The following SLCO1B3 variants were observed in gnomAD, a reference collection of about 807,000 sequenced individuals.
SLCO1B3 encodes the protein liver-specific organic anion transporter 2.
Under a neutral mutation model 71.8 loss-of-function variants are expected in SLCO1B3, and 72 were observed. The ratio of observed to expected loss-of-function variants is 1.00; its 90% CI spans 0.83 to 1.22. The LOEUF (loss-of-function observed/expected upper bound fraction) is 1.22. Ranked by LOEUF, SLCO1B3 falls within the 50% of genes most tolerant of loss-of-function variation. The pLI, the probability that SLCO1B3 is intolerant of heterozygous loss-of-function variation, is 0.00. For missense variants in SLCO1B3, 911 were observed against 819.7 expected, an observed-to-expected ratio of 1.11 and a Z score of -1.36; for synonymous variants, 298 against 278.4, an observed-to-expected ratio of 1.07 and a Z score of -0.70.
At chr12:20,819,925 G>T (rs1015032275) in intron 3 of SLCO1B3, among the ~76,000 whole-genome samples, 1 of 152,094 alleles carries the variant, frequency 6.6e-6, no homozygotes, top group Non-Finnish European at 1.5e-5. Context: ...GCAATGAGAT[G>T]CGGCTGTAGT....
At chr12:20,915,521 C>T (rs1190353970) in intron 15 of SLCO1B3, among the ~76,000 whole-genome samples, 2 of 152,126 alleles carry the variant, frequency 1.3e-5, no homozygotes, top group South Asian at 4.1e-4. Context: ...ATGTGACTTG[C>T]AAATTTTTCT....
intron 4 of SLCO1B3, among the ~76,000 whole-genome samples, chr12:20,858,199 C>G (rs1362951640): frequency 6.6e-6 from 1 of 152,086 alleles, no homozygotes; most frequent in Admixed American, 6.5e-5. Flanking sequence ...CTTTGCTTCT[C>G]TCATATAGCC....
chr12:20,818,129 C>T (rs1009740953), intron 3 of SLCO1B3, among the ~76,000 whole-genome samples: 3 of 152,054 alleles, frequency 2.0e-5, no homozygotes, highest in Admixed American at 6.6e-5. Flanking sequence ...TAAAAAGGAG[C>T]GTCTATACAG....
At chr12:20,840,654 G>A (rs1322278382) in intron 3 of SLCO1B3, among the ~76,000 whole-genome samples, 2 of 152,034 alleles carry the variant, frequency 1.3e-5, no homozygotes, top group African/African-American at 2.4e-5. Flanking sequence ...TCTTCCCAAA[G>A]TGTCAATTTT....
At chr12:20,904,740 G>T (rs1227479831) in intron 15 of SLCO1B3, among the ~76,000 whole-genome samples, 1 of 132,514 alleles carries the variant, frequency 7.5e-6, no homozygotes, top group African/African-American at 2.9e-5. Flanking sequence ...GCAGACTTCT[G>T]CCTGGACATC....
At chr12:20,855,946 A>G (rs1865125972) in intron 4 of SLCO1B3, among the ~76,000 whole-genome samples, 2 of 151,946 alleles carry the variant, frequency 1.3e-5, no homozygotes, top group Admixed American at 1.3e-4. Flanking sequence ...TCTACAATTC[A>G]TGTTTCTATT....
intron 12 of SLCO1B3, among the ~76,000 whole-genome samples, chr12:20,882,074 A>G (rs1439201688): frequency 6.6e-6 from 1 of 152,184 alleles, no homozygotes; most frequent in African/African-American, 2.4e-5. Flanking sequence ...CAGCTATAGT[A>G]TCTTTCAGTA....
intron 3 of SLCO1B3, among the ~76,000 whole-genome samples, chr12:20,824,275 C>G (rs894771188): frequency 2.6e-5 from 4 of 152,112 alleles, no homozygotes; most frequent in Non-Finnish European, 5.9e-5. Flanking sequence ...TTTCAGTCTT[C>G]TATTAGTTTG....
intron 8 of SLCO1B3, among the ~76,000 whole-genome samples, chr12:20,872,575 C>T (rs953936988): frequency 5.3e-5 from 8 of 151,962 alleles, no homozygotes; most frequent in African/African-American, 1.9e-4. Flanking sequence ...AGCCCAAGGC[C>T]CTGAGTGCAT....
intron 15 of SLCO1B3, among the ~76,000 whole-genome samples, chr12:20,911,029 C>T (rs2120448978): frequency 6.6e-6 from 1 of 151,924 alleles, no homozygotes; most frequent in Middle Eastern, 3.4e-3. Context: ...TTGTTCCAAC[C>T]TTATAAGGAA....
In SLCO1B3 at chr12:20,862,795, G is replaced by A; in HGVS notation, c.668G>A (p.Gly223Asp). The A allele has an allele frequency of 3.7e-6, 6 of 1,611,912 alleles. No homozygotes were observed. The highest frequency in any genetic ancestry group is 5.1e-6 in the Non-Finnish European group (6 of 1,178,202). Reference sequence around the variant, plus strand: ...ATAGGAATGATTGGTCCAGTCATTGGCTTTGCACTGGGATCTCTGTTTGCT... The same window carrying A: ...ATAGGAATGATTGGTCCAGTCATTGACTTTGCACTGGGATCTCTGTTTGCT... ...NAIGMIGPVI[G>D]FALGSLFAKM... is the part of the protein sequence containing the mutation. The change falls in exon 8 of 16, where the codon GGC becomes GAC. Residue 223 changes from glycine to aspartate, a missense_variant. Transcript: ENST00000381545.
chr12:20,897,114 A>G (rs1189987044), intron 13 of SLCO1B3, among the ~76,000 whole-genome samples: 1 of 152,204 alleles, frequency 6.6e-6, no homozygotes, highest in East Asian at 1.9e-4. Context: ...AGGGACACAG[A>G]GCCAAATCGT....
At chr12:20,824,021 T>A (rs567636660) in intron 3 of SLCO1B3, among the ~76,000 whole-genome samples, 1 of 152,220 alleles carries the variant, frequency 6.6e-6, no homozygotes, top group East Asian at 1.9e-4. Flanking sequence ...ATTAAACTTA[T>A]GCAAATAATT....
intron 13 of SLCO1B3, among the ~76,000 whole-genome samples, chr12:20,891,274 T>C (rs955724971): frequency 6.6e-6 from 1 of 152,064 alleles, no homozygotes; most frequent in African/African-American, 2.4e-5. Flanking sequence ...TCTTGAATTA[T>C]AAGTCTTAGT....
chr12:20,888,374 TC>T (rs1197578459), intron 13 of SLCO1B3, among the ~76,000 whole-genome samples: 2 of 152,006 alleles, frequency 1.3e-5, no homozygotes, highest in Non-Finnish European at 2.9e-5. Context: ...ATGACTTTTT[TC>T]ATCAGTGTTT....
intron 3 of SLCO1B3, among the ~76,000 whole-genome samples, chr12:20,831,822 T>C (rs1864547926): frequency 6.6e-6 from 1 of 152,140 alleles, no homozygotes; most frequent in Admixed American, 6.6e-5. Context: ...AAAGAGATGG[T>C]GAGAGAAACA....
intron 12 of SLCO1B3, among the ~76,000 whole-genome samples, chr12:20,881,996 A>G (rs528528463): frequency 6.6e-6 from 1 of 152,312 alleles, no homozygotes; most frequent in South Asian, 2.1e-4. Context: ...AAGATAGGCT[A>G]CAACTTTAGT....
At chr12:20,905,832 C>T (rs569552549) in intron 15 of SLCO1B3, among the ~76,000 whole-genome samples, 36 of 152,322 alleles carry the variant, frequency 2.4e-4, no homozygotes, top group African/African-American at 6.3e-4. Flanking sequence ...AACCTCTGCT[C>T]GTTACTCAGT....
chr12:20,900,734 G>T (rs924298955), intron 14 of SLCO1B3, among the ~76,000 whole-genome samples: 2 of 152,146 alleles, frequency 1.3e-5, no homozygotes, highest in African/African-American at 4.8e-5. Flanking sequence ...TGAATTGTGG[G>T]CTCTGATGGC....
Sources: allele counts gnomAD v4.1 joint callset (sites outside exome capture counted in the v4.1 genomes callset), GRCh38; gene constraint gnomAD v4.1.1; transcripts MANE v1.5; gene names NCBI Gene and HGNC (gene_info 2026-07-23, HGNC 2026-07-21).